Variants in FHAD1 observed in about 807,000 individuals in gnomAD.
The protein encoded by FHAD1 is forkhead-associated domain-containing protein 1.
FHAD1 carries 146 observed loss-of-function variants against 191.3 expected under a neutral mutation model. The ratio of observed to expected loss-of-function variants is 0.76; its 90% confidence interval spans 0.67 to 0.88. FHAD1 has a LOEUF of 0.88. Among genes scored for constraint, FHAD1 ranks in the 40% least tolerant of loss-of-function variants. The pLI is 0.00. For missense variants in FHAD1, 1,635 were observed against 1,785.8 expected (o/e 0.92, Z 1.52); for synonymous variants, 616 against 672.3 (o/e 0.92, Z 1.29).
chr1:15,313,204 G>C lies in FHAD1; in HGVS notation c.1170+17G>C. Reference sequence around the variant, plus strand: ...GGCTCTAGAGTGAGTAAGGATGACTGCGTCACCTTGTAGCCATCCGGTGAA... The same window carrying C: ...GGCTCTAGAGTGAGTAAGGATGACTCCGTCACCTTGTAGCCATCCGGTGAA... On this transcript the variant is annotated intron_variant, in intron 8 of 33. Coordinates refer to ENST00000688493, the MANE Select transcript of FHAD1 (RefSeq NM_001391957.1). The C allele has an allele frequency of 6.4e-7, 1 of 1,551,384 alleles. No individual in the cohort carries two copies. The highest frequency in any genetic ancestry group is 2.4e-5 in the East Asian group (1 of 40,898).
rs1048002428 is a variant in FHAD1, at chr1:15,352,896, C to T, written c.2474C>T (p.Ala825Val). ...TTCCAGATCTCAGAGAGCAACATTG[C>T]GTACGAGAAACGCAAAGCAAAGGAG... Reference protein sequence around the residue: ...QQKEISESNIAYEKRKAKEAM... With the variant: ...QQKEISESNIVYEKRKAKEAM... Residue 825 changes from alanine to valine, a missense_variant, in exon 20 of 34, where the codon GCG becomes GTG. Ala to Val is a moderately conservative substitution (Grantham distance 64). Coordinates refer to ENST00000688493, the MANE Select transcript of FHAD1 (RefSeq NM_001391957.1). 5 of 1,551,278 alleles carry T rather than the reference C, an allele frequency of 3.2e-6. No individual in the cohort carries two copies. Among genetic ancestry groups the T allele is most frequent in the Admixed American group, 2.0e-5 (1 of 50,968 alleles).
At chr1:15,292,694 A>G (rs767023211) in intron 4 of FHAD1, among the ~76,000 whole-genome samples, 2 of 152,208 alleles carry the variant, frequency 1.3e-5, no homozygotes, top group African/African-American at 2.4e-5. Flanking sequence ...ACCAGAGGAA[A>G]GACCATGTGA....
chr1:15,301,059 A>C (rs1668576768), intron 5 of FHAD1, 146 bp from the exon 6 acceptor site: 5 of 631,942 alleles, frequency 7.9e-6, no homozygotes, highest in Non-Finnish European at 1.3e-5. Flanking sequence ...CGAACTCCTG[A>C]CCTCAGGCGA....
chr1:15,387,389 C>T (rs1702395171), intron 31 of FHAD1, among the ~76,000 whole-genome samples: 1 of 152,134 alleles, frequency 6.6e-6, no homozygotes, highest in Non-Finnish European at 1.5e-5. Flanking sequence ...ACCACGCGCC[C>T]TCACCAGAAT....
rs1300234848 is a variant in FHAD1, at chr1:15,381,194, G to A, written c.3802-37G>A. 1.3e-5 allele frequency: 19 copies of A among 1,451,582 alleles called. No individual in the cohort carries two copies. The highest frequency in any genetic ancestry group is 2.5e-5 in the South Asian group (2 of 80,758). 89.9% of individuals were successfully genotyped at this position (1,451,582 alleles called of 1,614,324 possible). The stretch of plus-strand genomic sequence containing the variant: ...CCTTAAAGCGGCCACCAGCGGCCGC[G>A]GGTAATGCCTCTTATGCGCGAACGT... On this transcript the variant is annotated intron_variant, in intron 29 of 33. Transcript: ENST00000688493. This position sits in a 1 kb window ranked among gnomAD's most constrained non-coding sequence, Gnocchi z 4.6.
chr1:15,396,596 G>A (rs1570710078), intron 33 of FHAD1, among the ~76,000 whole-genome samples: 1 of 151,944 alleles, frequency 6.6e-6, no homozygotes, highest in East Asian at 1.9e-4. Context: ...ATCACTTGAG[G>A]TCAGGAGTTC....
intron 3 of FHAD1, among the ~76,000 whole-genome samples, chr1:15,288,585 C>CA (rs1399024934): frequency 4.6e-5 from 7 of 152,234 alleles, no homozygotes; most frequent in Non-Finnish European, 1.0e-4. Context: ...GCTGGAATCT[C>CA]AGTGATTGGC....
intron 19 of FHAD1, 39 bp downstream of exon 19, chr1:15,349,188 T>C (rs572324111): frequency 2.2e-4 from 321 of 1,435,448 alleles, no homozygotes; most frequent in Non-Finnish European, 6.4e-5. Flanking sequence ...TGGAAGGAAC[T>C]ACAAAGCCAG....
intron 32 of FHAD1, chr1:15,388,556 T>A (rs1409177287): frequency 4.2e-6 from 1 of 236,678 alleles, no homozygotes; most frequent in African/African-American, 2.4e-5. Context: ...GCTTCAGGAA[T>A]CCCTGTCCTA....
At chr1:15,295,789 C>T (rs372861906) in intron 4 of FHAD1, among the ~76,000 whole-genome samples, 256 of 152,290 alleles carry the variant, frequency 1.7e-3, no homozygotes, top group African/African-American at 5.6e-3. Context: ...AATAAGGCTT[C>T]GAGGGCCATA....
intron 26 of FHAD1, 111 bp from the exon 27 acceptor site, chr1:15,374,391 A>G: frequency 2.3e-6 from 3 of 1,318,610 alleles, no homozygotes; most frequent in Non-Finnish European, 3.1e-6. Flanking sequence ...TATTTTTCCA[A>G]AGGTGCTAAG....
chr1:15,360,376 GT>G lies in FHAD1; in HGVS notation c.2737-101del, dbSNP rs746749874. On this transcript the variant is annotated intron_variant, in intron 21 of 33. Coordinates refer to ENST00000688493, the MANE Select transcript of FHAD1 (RefSeq NM_001391957.1). ...GAACTGCATGTGCTAAGGCCCTGGG[GT>G]GGGGCCCAGTTTAGCACCTATGTGT... The G allele has an allele frequency of 1.0e-3, 1,004 of 1,004,370 alleles. 2 individuals are homozygous for G. Among genetic ancestry groups the G allele is most frequent in the Non-Finnish European group, 1.3e-3 (860 of 674,722 alleles). 62.2% of individuals were successfully genotyped at this position (1,004,370 alleles called of 1,614,324 possible).
intron 1 of FHAD1, among the ~76,000 whole-genome samples, chr1:15,237,039 G>A (rs994175880): frequency 1.2e-4 from 19 of 152,190 alleles, no homozygotes; most frequent in Admixed American, 3.3e-4. Flanking sequence ...AGAGGGACGC[G>A]TTTGCTTCCC....
At chr1:15,281,625 G>A (rs1660615055) in intron 3 of FHAD1, among the ~76,000 whole-genome samples, 2 of 152,026 alleles carry the variant, frequency 1.3e-5, no homozygotes, top group African/African-American at 4.8e-5. Context: ...GCCAGGTGTG[G>A]TGGTGCATGC....
chr1:15,387,991 G>A, intron 31 of FHAD1, 60 bp from the exon 32 acceptor site: 1 of 983,508 alleles, frequency 1.0e-6, no homozygotes, highest in Non-Finnish European at 1.4e-6. Context: ...TCCCAGATTG[G>A]AACGGGTAAG....
chr1:15,318,341 A>G lies in FHAD1; in HGVS notation c.1365+413A>G, dbSNP rs1028750391. ...CAGTAGCCACTAACCGCGCATGGCT[A>G]TTTACATTTAAATTAAAGCCGGTAG... On this transcript the variant is annotated intron_variant, in intron 10 of 33. Coordinates refer to ENST00000688493, the MANE Select transcript of FHAD1 (RefSeq NM_001391957.1). This position sits in a 1 kb window ranked among gnomAD's most constrained non-coding sequence, Gnocchi z 4.1. Among the ~76,000 whole-genome samples, 68 of 152,194 alleles carry G rather than the reference A, an allele frequency of 4.5e-4. No individual in the cohort carries two copies. Among genetic ancestry groups the G allele is most frequent in the African/African-American group, 1.6e-3 (67 of 41,442 alleles).
chr1:15,269,839 T>G (rs1026000451), intron 2 of FHAD1, among the ~76,000 whole-genome samples: 2 of 152,214 alleles, frequency 1.3e-5, no homozygotes, highest in African/African-American at 4.8e-5. Flanking sequence ...TTTGGCACTC[T>G]GTTGTTAGGT....
rs373780564 is a variant in FHAD1, at chr1:15,313,100, G to A, written c.1083G>A (p.Glu361=). 7 of 1,551,798 alleles carry A rather than the reference G, an allele frequency of 4.5e-6. No homozygotes were observed. The highest frequency in any genetic ancestry group is 1.4e-5 in the African/African-American group (1 of 73,170). The part of the protein sequence containing the change: ...SLQKDILAKD[E]QVQQLKEEVS... ...AAAAAGACATATTAGCAAAGGATGA[G>A]CAAGTTCAACAACTAAAGGAAGAGG... The change falls in exon 8 of 34, where the codon GAG becomes GAA. Residue 361 remains glutamate, a synonymous_variant. Transcript: ENST00000688493.
chr1:15,352,056 A>C (rs565977714), intron 19 of FHAD1, among the ~76,000 whole-genome samples: 27 of 152,344 alleles, frequency 1.8e-4, no homozygotes, highest in African/African-American at 6.5e-4. Flanking sequence ...GCATTAAAGA[A>C]AATTTAGAAG....
Sources: allele counts gnomAD v4.1 joint callset (sites outside exome capture counted in the v4.1 genomes callset), GRCh38; gene constraint gnomAD v4.1.1; non-coding constraint Gnocchi (gnomAD v3.1); transcripts MANE v1.5; gene names NCBI Gene and HGNC (gene_info 2026-07-23, HGNC 2026-07-21).